PTPRD: variants seen among roughly 807,000 people sequenced by gnomAD.
PTPRD encodes protein tyrosine phosphatase receptor type D, also known as receptor-type tyrosine-protein phosphatase delta.
A neutral mutation model predicts 214.5 loss-of-function variants in PTPRD; 34 were observed. That is an observed-to-expected ratio of 0.16 (90% CI 0.12 to 0.21). The LOEUF (loss-of-function observed/expected upper bound fraction) is 0.21, where lower values mean the gene tolerates loss of function less well. Among genes scored for constraint, PTPRD ranks in the 10% least tolerant of loss-of-function variants. The pLI is 1.00. For missense variants in PTPRD, 2,545 were observed against 2,398.7 expected (o/e 1.06, Z -1.27); for synonymous variants, 1,128 against 845.7 (o/e 1.33, Z -5.79).
chr9:8,359,671 G>A (rs950137699), intron 39 of PTPRD, among the ~76,000 whole-genome samples: 3 of 151,998 alleles, frequency 2.0e-5, no homozygotes, highest in African/African-American at 4.8e-5. Context: ...GGTGATTCTG[G>A]TGCTTGCTAA....
At chr9:9,792,826 T>C (rs2153476950) in intron 5 of PTPRD, among the ~76,000 whole-genome samples, 1 of 152,300 alleles carries the variant, frequency 6.6e-6, no homozygotes, top group African/African-American at 2.4e-5. Flanking sequence ...TTCAATCCTG[T>C]TATTTGTAAT....
At chr9:10,303,192 A>G (rs2095922843) in intron 3 of PTPRD, among the ~76,000 whole-genome samples, 1 of 152,212 alleles carries the variant, frequency 6.6e-6, no homozygotes, top group South Asian at 2.1e-4. Context: ...AGACAGAAAT[A>G]AAGATGTTAT....
At chr9:8,846,344 T>C (rs1028077397) in intron 11 of PTPRD, among the ~76,000 whole-genome samples, 1 of 152,138 alleles carries the variant, frequency 6.6e-6, no homozygotes, top group African/African-American at 2.4e-5. Context: ...CCAATATTAC[T>C]ATTGCACCGA....
At chr9:8,592,768 C>A (rs1413613906) in intron 14 of PTPRD, among the ~76,000 whole-genome samples, 1 of 152,118 alleles carries the variant, frequency 6.6e-6, no homozygotes, top group Non-Finnish European at 1.5e-5. Context: ...TAAAAGATAA[C>A]AAATAATTGT....
intron 6 of PTPRD, among the ~76,000 whole-genome samples, chr9:9,749,267 G>A (rs1003108566): frequency 2.0e-5 from 3 of 152,172 alleles, no homozygotes; most frequent in African/African-American, 7.2e-5. Flanking sequence ...GCATTTGGTT[G>A]TTCAGCTGCA....
Position 10,482,370 on chromosome 9 carries a change from CAATAAATA to C in PTPRD, c.-600+130020_-600+130027del, listed in dbSNP as rs957754910. Among the ~76,000 whole-genome samples, 335 of 151,508 alleles carry C rather than the reference CAATAAATA, an allele frequency of 2.2e-3. 3 individuals are homozygous for C. Among genetic ancestry groups the C allele is most frequent in the African/African-American group, 7.7e-3 (318 of 41,290 alleles). On this transcript the variant is annotated intron_variant, in intron 2 of 45. Coordinates refer to ENST00000381196, the MANE Select transcript of PTPRD (RefSeq NM_002839.4). ...TGGGCGACAGAGCAAGACTCCGTTT[CAATAAATA>C]AATAAATAAATAAGTAAATAAATAA...
intron 11 of PTPRD, among the ~76,000 whole-genome samples, chr9:8,871,410 G>A (rs888570799): frequency 8.5e-5 from 13 of 152,134 alleles, no homozygotes; most frequent in Non-Finnish European, 1.8e-4. Flanking sequence ...AGATTCAATG[G>A]AGTAAATTTT....
At chr9:10,309,783 C>A (rs558340625) in intron 3 of PTPRD, among the ~76,000 whole-genome samples, 4 of 151,918 alleles carry the variant, frequency 2.6e-5, no homozygotes, top group Middle Eastern at 3.4e-3. Context: ...AATTTGACGT[C>A]AATTTAAACA....
chr9:8,429,968 C>T (rs533187233), intron 35 of PTPRD, among the ~76,000 whole-genome samples: 223 of 152,270 alleles, frequency 1.5e-3, no homozygotes, highest in South Asian at 3.1e-3. Context: ...GATGACTGTT[C>T]ATCTCTGTGT....
intron 34 of PTPRD, among the ~76,000 whole-genome samples, chr9:8,439,235 T>C (rs145091407): frequency 6.6e-6 from 1 of 152,210 alleles, no homozygotes; most frequent in Non-Finnish European, 1.5e-5. Flanking sequence ...ACTTCTGGTT[T>C]TGGCATCTAC....
intron 3 of PTPRD, among the ~76,000 whole-genome samples, chr9:10,075,381 T>C (rs1180936279): frequency 3.3e-5 from 5 of 152,100 alleles, no homozygotes; most frequent in African/African-American, 2.4e-5. Context: ...AAGCCAACTA[T>C]GAAAGTAATT....
In PTPRD at chr9:8,607,398, A is replaced by G. The variant is rs775300618; in HGVS notation, c.352+25919T>C. ...GGTGCCGCATGCCTGTAATCCCAAC[A>G]CTTTGGGAGGCTGAGGTGGGTGGAT... On this transcript the variant is annotated intron_variant, in intron 14 of 45. Transcript: ENST00000381196. Among the ~76,000 whole-genome samples the G allele has an allele frequency of 9.2e-5, 14 of 152,210 alleles. No homozygotes were observed. The South Asian group carries it at 1.2e-3, about 14-fold the overall frequency.
chr9:8,879,707 A>C lies in PTPRD; in HGVS notation c.-104+138990T>G, dbSNP rs2098425692. Among the ~76,000 whole-genome samples the C allele has an allele frequency of 2.0e-5, 3 of 152,310 alleles. No homozygotes were observed. In the South Asian group the frequency reaches 6.2e-4, roughly 32 times the overall value. ...ATCCTGGATCTTAGCGTTCCTGCTA[A>C]CTGCTTTCCATTTGGCATAACAATC... On this transcript the variant is annotated intron_variant, in intron 11 of 45. Transcript: ENST00000381196.
At chr9:10,566,671 G>A (rs34376781) in intron 2 of PTPRD, among the ~76,000 whole-genome samples, 2 of 151,970 alleles carry the variant, frequency 1.3e-5, no homozygotes, top group Non-Finnish European at 2.9e-5. Flanking sequence ...TTTCTGGACA[G>A]AAGTTCTTAG....
chr9:10,507,681 A>T (rs185718988), intron 2 of PTPRD, among the ~76,000 whole-genome samples: 9 of 152,316 alleles, frequency 5.9e-5, no homozygotes, highest in African/African-American at 1.7e-4. Flanking sequence ...CAAACGTGAC[A>T]AAAACAAGAA....
At chr9:10,595,964 A>T (rs774006311) in intron 2 of PTPRD, among the ~76,000 whole-genome samples, 19 of 151,846 alleles carry the variant, frequency 1.3e-4, no homozygotes, top group Admixed American at 5.9e-4. Flanking sequence ...TAATCGTGTG[A>T]TTTGTAGTGC....
intron 14 of PTPRD, among the ~76,000 whole-genome samples, chr9:8,536,687 T>G (rs1261121246): frequency 1.3e-5 from 2 of 151,988 alleles, no homozygotes; most frequent in African/African-American, 4.8e-5. Flanking sequence ...GGGCTGAGAA[T>G]GGCGGGCCTT....
chr9:9,055,567 A>C (rs2099694671), intron 10 of PTPRD, among the ~76,000 whole-genome samples: 2 of 152,140 alleles, frequency 1.3e-5, no homozygotes, highest in African/African-American at 2.4e-5. Context: ...TAGACACAGG[A>C]GACTAGTTAA....
At chr9:9,650,422 G>T (rs1414161889) in intron 7 of PTPRD, among the ~76,000 whole-genome samples, 2 of 152,150 alleles carry the variant, frequency 1.3e-5, no homozygotes, top group Non-Finnish European at 2.9e-5. Context: ...CTTGATTATG[G>T]TGGATAAGCT....
Sources: gnomAD v4.1 joint callset for allele counts (sites outside exome capture counted in the v4.1 genomes callset) on GRCh38, gnomAD v4.1.1 for gene constraint, MANE v1.5 for transcripts, NCBI Gene and HGNC (gene_info 2026-07-23, HGNC 2026-07-21) for gene names.